PDE4B: variants seen among roughly 807,000 people sequenced by gnomAD.
The protein encoded by PDE4B is phosphodiesterase 4B, also known as 3',5'-cyclic-AMP phosphodiesterase 4B.
Under a neutral mutation model 82.2 loss-of-function variants are expected in PDE4B, and 20 were observed. The ratio of observed to expected loss-of-function variants is 0.24; its 90% CI spans 0.17 to 0.35. The LOEUF (loss-of-function observed/expected upper bound fraction) is 0.35, where lower values mean the gene tolerates loss of function less well. Among genes scored for constraint, PDE4B ranks in the 10% least tolerant of loss-of-function variants. The probability of loss-of-function intolerance (pLI) is 1.00; values close to 1 mark genes in which losing one functional copy is unlikely to be tolerated. For synonymous variants in PDE4B, 320 were observed against 318.9 expected (o/e 1.00, Z -0.04); for missense variants, 655 against 907.2 (o/e 0.72, Z 3.57).
At chr1:66,136,786 C>T (rs1260055271) in intron 3 of PDE4B, among the ~76,000 whole-genome samples, 3 of 150,284 alleles carry the variant, frequency 2.0e-5, no homozygotes, top group Non-Finnish European at 3.0e-5. Context: ...GACAAACCAT[C>T]ATTCAGAAAG....
At chr1:66,277,685 C>A (rs1444974800) in intron 7 of PDE4B, among the ~76,000 whole-genome samples, 1 of 152,236 alleles carries the variant, frequency 6.6e-6, no homozygotes, top group Non-Finnish European at 1.5e-5. Flanking sequence ...TGAGCCACCA[C>A]GCCCGGCCTT....
At chr1:65,954,762 TC>T (rs1329430942) in intron 3 of PDE4B, among the ~76,000 whole-genome samples, 1 of 152,140 alleles carries the variant, frequency 6.6e-6, no homozygotes, top group Non-Finnish European at 1.5e-5. Flanking sequence ...GAATGACCAG[TC>T]TGCAGGTTCT....
chr1:66,194,980 AAG>A (rs1648167142), intron 3 of PDE4B, among the ~76,000 whole-genome samples: 1 of 152,146 alleles, frequency 6.6e-6, no homozygotes. Flanking sequence ...GTAATTTTAA[AAG>A]AGTGATGATT....
chr1:66,187,418 C>A (rs2101448724), intron 3 of PDE4B, among the ~76,000 whole-genome samples: 1 of 152,228 alleles, frequency 6.6e-6, no homozygotes, highest in South Asian at 2.1e-4. Flanking sequence ...GTACCAGTTC[C>A]TCCTTGTACC....
At chr1:66,329,860 A>G (rs1659987709) in intron 7 of PDE4B, among the ~76,000 whole-genome samples, 1 of 152,212 alleles carries the variant, frequency 6.6e-6, no homozygotes, top group African/African-American at 2.4e-5. Flanking sequence ...AGTGCTACAG[A>G]TGGACCATTC....
intron 3 of PDE4B, among the ~76,000 whole-genome samples, chr1:65,926,642 T>C (rs1259445576): frequency 6.6e-6 from 1 of 152,212 alleles, no homozygotes. Context: ...TTTGCAATAG[T>C]TTAAACTGAA....
rs542302288 is a variant in PDE4B at position 66,183,718 on chromosome 1, C to T, written c.282-63742C>T. 3.9e-5 allele frequency among the ~76,000 whole-genome samples: 6 copies of T among 152,298 alleles called. No homozygotes were observed. The South Asian group carries it at 1.2e-3, about 32-fold the overall frequency. On this transcript the variant is annotated intron_variant, in intron 3 of 16. Transcript: ENST00000341517. ...GCCCTATCTTTTGAAATCACTTCAA[C>T]TTAGCAGAGACGTGTTGACCATTTA...
At position 66,255,086 on chromosome 1, in the gene PDE4B, CTCTT is replaced by C. The variant is rs534195106; in HGVS notation, c.477-2551_477-2548del. On this transcript the variant is annotated intron_variant, in intron 4 of 16. Transcript: ENST00000341517. The stretch of plus-strand genomic sequence containing the variant: ...TTTCTTTTTTTCTCTTTCTTTCTTT[CTCTT>C]TCTTTCTTTTTGAGACAAAGTGTCA... 2.8e-3 allele frequency among the ~76,000 whole-genome samples: 365 copies of C among 132,058 alleles called. 2 individuals are homozygous for C. Among genetic ancestry groups the C allele is most frequent in the African/African-American group, 5.5e-3 (196 of 35,488 alleles). 86.6% of individuals were successfully genotyped at this position (132,058 alleles called of 152,430 possible).
At chr1:65,952,030 C>T (rs947934137) in intron 3 of PDE4B, among the ~76,000 whole-genome samples, 1 of 152,064 alleles carries the variant, frequency 6.6e-6, no homozygotes, top group Non-Finnish European at 1.5e-5. Context: ...ACAGTGTTTT[C>T]AAAGTGTAGT....
chr1:65,992,977 A>G, intron 3 of PDE4B: 1 of 1,614,040 alleles, frequency 6.2e-7, no homozygotes, highest in South Asian at 1.1e-5. Context: ...ACTTTCAAGG[A>G]GCAAATGCAT....
intron 7 of PDE4B, among the ~76,000 whole-genome samples, chr1:66,284,840 T>A (rs534099334): frequency 1.3e-5 from 2 of 152,292 alleles, no homozygotes; most frequent in East Asian, 3.9e-4. Context: ...TCCAAGATTT[T>A]ATTTTGTGTG....
chr1:65,873,283 A>G (rs773767893), intron 1 of PDE4B, among the ~76,000 whole-genome samples: 4 of 152,156 alleles, frequency 2.6e-5, no homozygotes, highest in Non-Finnish European at 4.4e-5. Context: ...CAAGCACAAG[A>G]TAGAACTCGG....
intron 3 of PDE4B, among the ~76,000 whole-genome samples, chr1:65,975,030 G>A (rs1406705242): frequency 2.6e-5 from 4 of 152,222 alleles, no homozygotes; most frequent in African/African-American, 9.6e-5. Context: ...GGTTGGAACA[G>A]TTTGGAGGAC....
chr1:66,133,049 G>A (rs1645983587), intron 3 of PDE4B, among the ~76,000 whole-genome samples: 1 of 152,266 alleles, frequency 6.6e-6, no homozygotes, highest in South Asian at 2.1e-4. Context: ...CATGCATCAA[G>A]GACAAGGAAC....
At chr1:66,222,121 TATC>T (rs113753444) in intron 3 of PDE4B, among the ~76,000 whole-genome samples, 9,252 of 152,226 alleles carry the variant, frequency 0.061, 335 homozygotes, top group African/African-American at 0.095. Flanking sequence ...TTTTAGAAGT[TATC>T]ATGACGGCTG....
intron 7 of PDE4B, among the ~76,000 whole-genome samples, chr1:66,271,842 A>G (rs1381720981): frequency 6.6e-6 from 1 of 152,152 alleles, no homozygotes; most frequent in African/African-American, 2.4e-5. Context: ...GCAAATCACT[A>G]TTGTCTGCCA....
chr1:66,239,183 A>G (rs1652688703), intron 3 of PDE4B, among the ~76,000 whole-genome samples: 1 of 152,202 alleles, frequency 6.6e-6, no homozygotes, highest in Non-Finnish European at 1.5e-5. Flanking sequence ...ATATTTTACT[A>G]ATAGAGCATT....
chr1:65,983,259 C>T (rs1325752639), intron 3 of PDE4B, among the ~76,000 whole-genome samples: 1 of 152,132 alleles, frequency 6.6e-6, no homozygotes, highest in Non-Finnish European at 1.5e-5. Context: ...AAGTTTCACC[C>T]ATAATCGATT....
chr1:65,986,587 C>A (rs899266576), intron 3 of PDE4B, among the ~76,000 whole-genome samples: 1 of 152,166 alleles, frequency 6.6e-6, no homozygotes, highest in Non-Finnish European at 1.5e-5. Context: ...TTGATCCCTC[C>A]TCCTTTGTCT....
Sources: allele counts gnomAD v4.1 joint callset (sites outside exome capture counted in the v4.1 genomes callset), GRCh38; gene constraint gnomAD v4.1.1; transcripts MANE v1.5; gene names NCBI Gene and HGNC (gene_info 2026-07-23, HGNC 2026-07-21).